Variants in WWOX observed in about 807,000 individuals in gnomAD.
The protein encoded by WWOX is WW domain containing oxidoreductase.
A neutral mutation model predicts 46.2 loss-of-function variants in WWOX; 69 were observed. That is an observed-to-expected ratio of 1.49 (90% CI 1.23 to 1.82). WWOX has a LOEUF of 1.82. Among genes scored for constraint, WWOX ranks in the 40% most tolerant of loss-of-function variants. The pLI is 0.00. For synonymous variants in WWOX, 359 were observed against 202.6 expected (o/e 1.77, Z -6.56); for missense variants, 919 against 542.6 (o/e 1.69, Z -6.89).
chr16:78,170,389 T>C (rs574705280), intron 5 of WWOX, among the ~76,000 whole-genome samples: 26 of 152,184 alleles, frequency 1.7e-4, no homozygotes, highest in Non-Finnish European at 3.1e-4. Context: ...TCTTAACCCA[T>C]TGTGGAATAA....
intron 5 of WWOX, among the ~76,000 whole-genome samples, chr16:78,362,174 G>T (rs1007444220): frequency 6.6e-6 from 1 of 152,050 alleles, no homozygotes; most frequent in African/African-American, 2.4e-5. Context: ...AAGGTCTGCT[G>T]TTAGGGACGT....
In WWOX at chr16:78,783,001, A is replaced by G. The variant is rs182839376; in HGVS notation, c.1056+350249A>G. On this transcript the variant is annotated intron_variant, in intron 8 of 8. Coordinates refer to ENST00000566780, the MANE Select transcript of WWOX (RefSeq NM_016373.4). ...GTGAACACAGGGATTTTGAATTACA[A>G]TACTGAATCCTAGTGTGATCTTTCT... 1.5e-3 allele frequency among the ~76,000 whole-genome samples: 233 copies of G among 152,340 alleles called. 1 individual carries two copies. Among genetic ancestry groups the G allele is most frequent in the African/African-American group, 5.3e-3 (221 of 41,578 alleles).
intron 8 of WWOX, among the ~76,000 whole-genome samples, chr16:78,633,218 T>C (rs2004942): frequency 0.44 from 66,513 of 152,002 alleles, 16,693 homozygotes; most frequent in Middle Eastern, 0.59. Flanking sequence ...GCTGAGATCG[T>C]GCCACTGCGC....
At chr16:78,974,854 C>T (rs1166697857) in intron 8 of WWOX, among the ~76,000 whole-genome samples, 1 of 152,166 alleles carries the variant, frequency 6.6e-6, no homozygotes. Flanking sequence ...ATTACCCCAG[C>T]TTCCTGTCCA....
chr16:78,783,318 C>T (rs2050375814), intron 8 of WWOX, among the ~76,000 whole-genome samples: 1 of 152,190 alleles, frequency 6.6e-6, no homozygotes. Flanking sequence ...ATGAAACATG[C>T]CATGGCCAGT....
intron 8 of WWOX, among the ~76,000 whole-genome samples, chr16:78,812,647 A>AT (rs1156725532): frequency 8.9e-4 from 136 of 152,112 alleles, no homozygotes; most frequent in African/African-American, 3.1e-3. Context: ...AATCACTTGA[A>AT]CCCAGGAGGC....
At chr16:78,716,526 C>T (rs1457703381) in intron 8 of WWOX, among the ~76,000 whole-genome samples, 1 of 152,134 alleles carries the variant, frequency 6.6e-6, no homozygotes, top group Non-Finnish European at 1.5e-5. Context: ...GATGCCCTCA[C>T]TTTTGGGTCC....
chr16:78,400,405 C>T (rs2082384227), intron 6 of WWOX, among the ~76,000 whole-genome samples: 1 of 152,128 alleles, frequency 6.6e-6, no homozygotes, highest in Non-Finnish European at 1.5e-5. Context: ...CCCAGCTTGG[C>T]TGTGTGAGGA....
chr16:78,420,324 A>G (rs556065218), intron 6 of WWOX, among the ~76,000 whole-genome samples: 122 of 152,314 alleles, frequency 8.0e-4, no homozygotes, highest in African/African-American at 2.6e-3. Flanking sequence ...ATGAATGTAC[A>G]TAGTAGTGAT....
chr16:79,095,121 A>G (rs1302779815), intron 8 of WWOX, among the ~76,000 whole-genome samples: 1 of 152,200 alleles, frequency 6.6e-6, no homozygotes, highest in African/African-American at 2.4e-5. Flanking sequence ...AGGCTTCTCT[A>G]AAAGGCTTCC....
At chr16:78,441,427 T>C (rs1203607674) in intron 8 of WWOX, among the ~76,000 whole-genome samples, 1 of 152,162 alleles carries the variant, frequency 6.6e-6, no homozygotes, top group Non-Finnish European at 1.5e-5. Flanking sequence ...GATTATAGTT[T>C]AGAATGTGTA....
intron 8 of WWOX, among the ~76,000 whole-genome samples, chr16:78,685,686 G>A (rs890712996): frequency 5.3e-5 from 8 of 152,212 alleles, no homozygotes; most frequent in Non-Finnish European, 1.0e-4. Context: ...TGAATGCTTA[G>A]CACAGAACTC....
intron 8 of WWOX, among the ~76,000 whole-genome samples, chr16:78,989,340 T>G (rs1233692911): frequency 2.0e-5 from 3 of 152,344 alleles, no homozygotes; most frequent in African/African-American, 7.2e-5. Flanking sequence ...ATATGTCTGA[T>G]GAACTCATCT....
In WWOX at chr16:78,138,170, C is replaced by T. The variant is rs530319432; in HGVS notation, c.409+23016C>T. On this transcript the variant is annotated intron_variant, in intron 4 of 8. Transcript: ENST00000566780. ...AGAGTCACAAAACATCACATGACAA[C>T]GCCAGTCCCTCTGATAATCCTGCAA... Among the ~76,000 whole-genome samples, 26 of 150,942 alleles carry T rather than the reference C, an allele frequency of 1.7e-4. 1 individual carries two copies. Among genetic ancestry groups the T allele is most frequent in the Admixed American group, 1.3e-3 (20 of 15,174 alleles).
chr16:78,546,948 G>T (rs1162362404), intron 8 of WWOX, among the ~76,000 whole-genome samples: 2 of 151,820 alleles, frequency 1.3e-5, no homozygotes, highest in Non-Finnish European at 2.9e-5. Context: ...GCAACATGGT[G>T]AAACCCTACC....
intron 8 of WWOX, among the ~76,000 whole-genome samples, chr16:79,081,795 G>T (rs568036289): frequency 6.6e-6 from 1 of 152,186 alleles, no homozygotes; most frequent in South Asian, 2.1e-4. Context: ...GCTGCCTCTG[G>T]TCTCCAGCAG....
chr16:79,100,035 A>G (rs551349809), intron 8 of WWOX, among the ~76,000 whole-genome samples: 2 of 152,318 alleles, frequency 1.3e-5, no homozygotes, highest in East Asian at 1.9e-4. Flanking sequence ...TTCTCTTAAA[A>G]TCTTCCAAAT....
chr16:78,336,330 CAAAA>C (rs35010158), intron 5 of WWOX, among the ~76,000 whole-genome samples: 13 of 131,082 alleles, frequency 9.9e-5, no homozygotes, highest in Non-Finnish European at 7.9e-5. Flanking sequence ...AAAATAACAC[CAAAA>C]AAAAAAAAAA....
At chr16:78,554,000 G>C (rs2044231793) in intron 8 of WWOX, among the ~76,000 whole-genome samples, 1 of 152,070 alleles carries the variant, frequency 6.6e-6, no homozygotes, top group Non-Finnish European at 1.5e-5. Flanking sequence ...GTGTTTTTCT[G>C]AGGGCATCAA....
Sources: gnomAD v4.1 joint callset for allele counts (sites outside exome capture counted in the v4.1 genomes callset) on GRCh38, gnomAD v4.1.1 for gene constraint, MANE v1.5 for transcripts, NCBI Gene and HGNC (gene_info 2026-07-23, HGNC 2026-07-21) for gene names.